EDARADD: variants seen among roughly 807,000 people sequenced by gnomAD.
The protein encoded by EDARADD is ectodysplasin-A receptor-associated adapter protein.
In EDARADD, 20 loss-of-function variants were observed where a neutral mutation model predicts 25.6. The observed-to-expected ratio is 0.78, with a 90% CI of 0.55 to 1.14. The LOEUF (loss-of-function observed/expected upper bound fraction) is 1.14. Ranked by LOEUF, EDARADD falls within the 50% of genes most tolerant of loss-of-function variation. EDARADD has a pLI of 0.00. For synonymous variants in EDARADD, 86 were observed against 94.4 expected (o/e 0.91, Z 0.52); for missense variants, 225 against 270.1 (o/e 0.83, Z 1.17).
Position 236,463,771 on chromosome 1 carries a change from G to T in EDARADD, c.220-4460G>T, listed in dbSNP as rs145228963. On this transcript the variant is annotated intron_variant, in intron 4 of 5. Transcript: ENST00000334232. The stretch of plus-strand genomic sequence containing the variant: ...TCCTAGGCCCTGACATGGAGGCTGG[G>T]CCAACGGATATCTCACCTCCCTTCA... Among the ~76,000 whole-genome samples, 602 of 152,266 alleles carry T rather than the reference G, an allele frequency of 4.0e-3. 5 individuals carry two copies. The highest frequency in any genetic ancestry group is 0.013 in the African/African-American group (557 of 41,558).
intron 4 of EDARADD, among the ~76,000 whole-genome samples, chr1:236,452,866 A>G (rs966595621): frequency 2.0e-5 from 3 of 152,098 alleles, no homozygotes; most frequent in East Asian, 1.9e-4. Context: ...ACATCCTCCT[A>G]TAGGATGTCC....
At chr1:236,407,081 A>T (rs77153612) in intron 1 of EDARADD, among the ~76,000 whole-genome samples, 2 of 152,204 alleles carry the variant, frequency 1.3e-5, no homozygotes, top group African/African-American at 4.8e-5. Flanking sequence ...CCACACAGGA[A>T]TCTGAGGGGT....
intron 1 of EDARADD, among the ~76,000 whole-genome samples, chr1:236,396,038 GC>G (rs1408037980): frequency 6.6e-6 from 1 of 152,184 alleles, no homozygotes; most frequent in African/African-American, 2.4e-5. Context: ...CGCCTCCCGG[GC>G]TTTTTCTTTC....
chr1:236,426,031 G>A (rs1457358306), intron 3 of EDARADD, among the ~76,000 whole-genome samples: 1 of 151,778 alleles, frequency 6.6e-6, no homozygotes, highest in Non-Finnish European at 1.5e-5. Context: ...AGGCTGGAGT[G>A]CAGTGGCATG....
At chr1:236,360,536 G>A (rs113451804) in intron 3 of EDARADD, among the ~76,000 whole-genome samples, 347 of 116,600 alleles carry the variant, frequency 3.0e-3, no homozygotes, top group African/African-American at 0.012. Flanking sequence ...TTTAATTCAC[G>A]GTTTTTTTTT....
chr1:236,423,124 G>A (rs866325410), intron 3 of EDARADD, among the ~76,000 whole-genome samples: 2 of 152,208 alleles, frequency 1.3e-5, no homozygotes, highest in African/African-American at 4.8e-5. Context: ...GGGGGTCCTA[G>A]TGGGACTGCC....
rs1233481569 is a variant in EDARADD, at chr1:236,405,793, TC to T, written c.62-3422del. 3.2e-3 allele frequency among the ~76,000 whole-genome samples: 287 copies of T among 89,132 alleles called. 5 individuals are homozygous for T. Among genetic ancestry groups the T allele is most frequent in the African/African-American group, 6.6e-3 (173 of 26,162 alleles). The allele number at this position is 89,132 out of a possible 152,430, so 58.5% of individuals were successfully genotyped here. On this transcript the variant is annotated intron_variant, in intron 1 of 5. Transcript: ENST00000334232. ...TCTTTCTTTCTTTCTTTCTTTCTTT[TC>T]TTTTTCTTTCTTTCTTTCCTTCCTT...
intron 3 of EDARADD, among the ~76,000 whole-genome samples, chr1:236,362,987 G>GC (rs1456089586): frequency 3.4e-5 from 1 of 29,556 alleles, no homozygotes; most frequent in Non-Finnish European, 5.2e-5. Flanking sequence ...CTTTTTTTAA[G>GC]AAAAAAAAAA....
chr1:236,456,682 A>G (rs1658876273), intron 4 of EDARADD, among the ~76,000 whole-genome samples: 1 of 150,856 alleles, frequency 6.6e-6, no homozygotes, highest in Middle Eastern at 3.4e-3. Flanking sequence ...GCGACTCTGA[A>G]GTTCCCTCTC....
chr1:236,400,976 C>T (rs1017412095), intron 1 of EDARADD, among the ~76,000 whole-genome samples: 1 of 152,016 alleles, frequency 6.6e-6, no homozygotes, highest in African/African-American at 2.4e-5. Flanking sequence ...GGAGGTGGAT[C>T]ACCTGAGGTC....
chr1:236,423,450 C>T (rs1037345908), intron 3 of EDARADD, among the ~76,000 whole-genome samples: 2 of 151,930 alleles, frequency 1.3e-5, no homozygotes, highest in Admixed American at 6.6e-5. Flanking sequence ...TACTGTATTC[C>T]GTGGCCTGCA....
chr1:236,377,436 G>A lies in EDARADD; in HGVS notation c.-6+26597G>A, dbSNP rs182372333. On this transcript the variant is annotated intron_variant, in intron 3 of 7. Coordinates refer to the EDARADD transcript ENST00000439430. ...CTCCCAAAGTGCTGGGATTACAGGC[G>A]TGAGCCACCACGCCCAGCCCAGCCC... 5.5e-3 allele frequency among the ~76,000 whole-genome samples: 830 copies of A among 151,198 alleles called. 10 individuals carry two copies. Among genetic ancestry groups the A allele is most frequent in the African/African-American group, 0.019 (792 of 41,342 alleles).
At chr1:236,467,061 G>C (rs1442650742) in intron 4 of EDARADD, among the ~76,000 whole-genome samples, 4 of 145,898 alleles carry the variant, frequency 2.7e-5, no homozygotes, top group Admixed American at 2.7e-4. Context: ...GCAAGACTCC[G>C]TCTCAAAAAA....
intron 5 of EDARADD, among the ~76,000 whole-genome samples, chr1:236,481,827 T>G (rs1399640535): frequency 6.9e-6 from 1 of 144,356 alleles, no homozygotes; most frequent in Non-Finnish European, 1.5e-5. Context: ...AAATGAGCAT[T>G]CTGAGGCCAG....
intron 4 of EDARADD, among the ~76,000 whole-genome samples, chr1:236,429,243 C>G (rs1658029901): frequency 2.2e-5 from 3 of 135,354 alleles, no homozygotes; most frequent in African/African-American, 8.9e-5. Flanking sequence ...TTTTTTGAGG[C>G]AGTCTCACTC....
chr1:236,353,160 C>T (rs1255379643), intron 3 of EDARADD, among the ~76,000 whole-genome samples: 1 of 152,216 alleles, frequency 6.6e-6, no homozygotes, highest in Non-Finnish European at 1.5e-5. Flanking sequence ...CCTCACTTCA[C>T]AGGCCAGGGT....
chr1:236,444,917 A>C (rs2103024002), intron 4 of EDARADD, among the ~76,000 whole-genome samples: 1 of 152,064 alleles, frequency 6.6e-6, no homozygotes, highest in Non-Finnish European at 1.5e-5. Context: ...AGTTTTCCTC[A>C]CATAGATCAT....
At chr1:236,441,701 TG>T (rs1658407983) in intron 4 of EDARADD, among the ~76,000 whole-genome samples, 1 of 151,866 alleles carries the variant, frequency 6.6e-6, no homozygotes, top group Admixed American at 6.6e-5. Flanking sequence ...GGCTAATTTT[TG>T]TATTTTTAGT....
intron 4 of EDARADD, among the ~76,000 whole-genome samples, chr1:236,431,087 C>T (rs1658081517): frequency 6.6e-6 from 1 of 151,538 alleles, no homozygotes; most frequent in Non-Finnish European, 1.5e-5. Context: ...TGCACTCCAG[C>T]CTAGGTGACA....
Sources: gnomAD v4.1 joint callset for allele counts (sites outside exome capture counted in the v4.1 genomes callset) on GRCh38, gnomAD v4.1.1 for gene constraint, MANE v1.5 for transcripts, NCBI Gene and HGNC (gene_info 2026-07-23, HGNC 2026-07-21) for gene names.